EXOC6B: variants seen among roughly 807,000 people sequenced by gnomAD.
EXOC6B encodes the protein SEC15 homolog B.
In EXOC6B, 54 loss-of-function variants were observed where a neutral mutation model predicts 113.5. The ratio of observed to expected loss-of-function variants is 0.48; its 90% CI spans 0.38 to 0.60. The LOEUF is 0.60. EXOC6B is among the 20% of genes least tolerant of loss of function. The pLI is 0.00. For missense variants in EXOC6B, 797 were observed against 977.5 expected, an observed-to-expected ratio of 0.82 and a Z score of 2.46; for synonymous variants, 357 against 339.0, an observed-to-expected ratio of 1.05 and a Z score of -0.58.
chr2:72,568,453 A>G (rs932074301), intron 7 of EXOC6B, among the ~76,000 whole-genome samples: 2 of 152,052 alleles, frequency 1.3e-5, no homozygotes, highest in East Asian at 3.8e-4. Context: ...AGATTACAGT[A>G]TTTGGAGTTC....
At chr2:72,725,663 A>G (rs769772438) in intron 5 of EXOC6B, among the ~76,000 whole-genome samples, 1 of 152,202 alleles carries the variant, frequency 6.6e-6, no homozygotes, top group Non-Finnish European at 1.5e-5. Context: ...AAGTGCTGGG[A>G]TTACAGGCGT....
intron 7 of EXOC6B, among the ~76,000 whole-genome samples, chr2:72,572,433 T>C (rs1220460119): frequency 6.6e-6 from 1 of 152,180 alleles, no homozygotes; most frequent in Non-Finnish European, 1.5e-5. Context: ...TAAAATGAAT[T>C]CCACAAACCC....
At chr2:72,617,521 T>TC (rs35040647) in intron 6 of EXOC6B, among the ~76,000 whole-genome samples, 6 of 135,184 alleles carry the variant, frequency 4.4e-5, no homozygotes, top group Admixed American at 7.4e-5. Context: ...TTTTTTCTTT[T>TC]TTTTTTTTTT....
At chr2:72,217,576 C>T (rs1680618219) in intron 20 of EXOC6B, among the ~76,000 whole-genome samples, 1 of 152,182 alleles carries the variant, frequency 6.6e-6, no homozygotes, top group Admixed American at 6.5e-5. Flanking sequence ...GGTCTAATGG[C>T]CAAGACATGG....
chr2:72,416,346 C>T (rs1209103953), intron 18 of EXOC6B, among the ~76,000 whole-genome samples: 1 of 152,194 alleles, frequency 6.6e-6, no homozygotes, highest in South Asian at 2.1e-4. Context: ...AGTCTCAGAT[C>T]TTGTGATAAC....
At chr2:72,249,373 T>A (rs1573086782) in intron 20 of EXOC6B, among the ~76,000 whole-genome samples, 1 of 151,956 alleles carries the variant, frequency 6.6e-6, no homozygotes, top group Non-Finnish European at 1.5e-5. Context: ...TCCTGCCTCA[T>A]CCTCCCGAGT....
intron 5 of EXOC6B, among the ~76,000 whole-genome samples, chr2:72,722,340 C>A (rs1346360945): frequency 1.3e-5 from 2 of 152,032 alleles, no homozygotes; most frequent in Non-Finnish European, 2.9e-5. Flanking sequence ...AGAAAAAAGA[C>A]TTATAGCTCT....
At chr2:72,532,919 C>T (rs1231894425) in intron 8 of EXOC6B, among the ~76,000 whole-genome samples, 1 of 152,108 alleles carries the variant, frequency 6.6e-6, no homozygotes, top group African/African-American at 2.4e-5. Context: ...TCTGGGATAA[C>T]TATGTGGGAT....
At chr2:72,244,830 A>G (rs1682550462) in intron 20 of EXOC6B, among the ~76,000 whole-genome samples, 1 of 152,180 alleles carries the variant, frequency 6.6e-6, no homozygotes, top group African/African-American at 2.4e-5. Flanking sequence ...GTCAATAGCT[A>G]TCTTATATAC....
At chr2:72,595,008 C>G (rs1233935699) in intron 6 of EXOC6B, among the ~76,000 whole-genome samples, 1 of 152,084 alleles carries the variant, frequency 6.6e-6, no homozygotes, top group African/African-American at 2.4e-5. Flanking sequence ...CCTGTAATCC[C>G]AGCACTTTGG....
At chr2:72,209,223 CAAAAAAAAAAAAAAAA>C (rs1170760516) in intron 20 of EXOC6B, among the ~76,000 whole-genome samples, 1 of 57,104 alleles carries the variant, frequency 1.8e-5, no homozygotes, top group African/African-American at 6.0e-5. Flanking sequence ...AACTCAGTCT[CAAAAAAAAAAAAAAAA>C]AAAAAAAAGA....
Position 72,444,308 on chromosome 2 carries a change from C to T in EXOC6B, c.1980+20852G>A, listed in dbSNP as rs189152052. On this transcript the variant is annotated intron_variant, in intron 18 of 21. Coordinates refer to ENST00000272427, the MANE Select transcript of EXOC6B (RefSeq NM_015189.3). Reference sequence around the variant, plus strand: ...AGGCAGCTCTGCCCCTGTGGCTTTGCAGAGTACAGTGTCCCACCCAGCTGC... The same window carrying T: ...AGGCAGCTCTGCCCCTGTGGCTTTGTAGAGTACAGTGTCCCACCCAGCTGC... 2.5e-3 allele frequency among the ~76,000 whole-genome samples: 375 copies of T among 152,324 alleles called. 2 individuals carry two copies. Among genetic ancestry groups the T allele is most frequent in the African/African-American group, 6.6e-3 (273 of 41,566 alleles).
At chr2:72,714,962 G>A (rs1679514094) in intron 6 of EXOC6B, among the ~76,000 whole-genome samples, 1 of 152,172 alleles carries the variant, frequency 6.6e-6, no homozygotes, top group Non-Finnish European at 1.5e-5. Context: ...CACAAATGTG[G>A]ACTAAATTTT....
intron 16 of EXOC6B, among the ~76,000 whole-genome samples, chr2:72,487,470 C>G (rs1003118097): frequency 6.6e-6 from 1 of 152,188 alleles, no homozygotes; most frequent in African/African-American, 2.4e-5. Flanking sequence ...AAGCGATTCT[C>G]CCGGCTCAGC....
intron 8 of EXOC6B, among the ~76,000 whole-genome samples, chr2:72,525,856 C>A (rs1701724253): frequency 6.6e-6 from 1 of 152,066 alleles, no homozygotes; most frequent in East Asian, 1.9e-4. Flanking sequence ...AAATTATTTG[C>A]CCAGAAATAG....
intron 1 of EXOC6B, among the ~76,000 whole-genome samples, chr2:72,782,173 A>T (rs1251950225): frequency 6.6e-6 from 1 of 151,708 alleles, no homozygotes; most frequent in Non-Finnish European, 1.5e-5. Flanking sequence ...AAAGAAAAGA[A>T]ATATTGAGTA....
intron 8 of EXOC6B, among the ~76,000 whole-genome samples, chr2:72,559,175 A>G (rs928238473): frequency 9.2e-5 from 14 of 152,236 alleles, no homozygotes; most frequent in African/African-American, 2.9e-4. Context: ...TGTTATTTAA[A>G]TAACTACATT....
chr2:72,677,437 C>T (rs1186753633), intron 6 of EXOC6B, among the ~76,000 whole-genome samples: 1 of 152,080 alleles, frequency 6.6e-6, no homozygotes, highest in Non-Finnish European at 1.5e-5. Context: ...GAAGAAATAT[C>T]TGCTCAAAAC....
At chr2:72,510,523 T>C (rs142972865) in intron 11 of EXOC6B, among the ~76,000 whole-genome samples, 1 of 151,302 alleles carries the variant, frequency 6.6e-6, no homozygotes, top group South Asian at 2.1e-4. Context: ...AATAATATAA[T>C]CCTACAATGC....
Sources: allele counts gnomAD v4.1 joint callset (sites outside exome capture counted in the v4.1 genomes callset), GRCh38; gene constraint gnomAD v4.1.1; transcripts MANE v1.5; gene names NCBI Gene and HGNC (gene_info 2026-07-23, HGNC 2026-07-21).